The following TMED6 variants were observed in gnomAD, a reference collection of about 807,000 sequenced individuals.
The protein encoded by TMED6 is transmembrane emp24 domain-containing protein 6.
Under a neutral mutation model 26.5 loss-of-function variants are expected in TMED6, and 17 were observed. The ratio of observed to expected loss-of-function variants is 0.64; its 90% CI spans 0.44 to 0.96. TMED6 has a LOEUF of 0.96. Ranked by LOEUF, TMED6 falls within the 40% of genes least tolerant of loss-of-function variation. The pLI is 0.00. For missense variants in TMED6, 309 were observed against 296.5 expected (o/e 1.04, Z -0.31); for synonymous variants, 107 against 106.2 (o/e 1.01, Z -0.04).
intron 3 of TMED6, among the ~76,000 whole-genome samples, chr16:69,347,308 A>C (rs956143193): frequency 6.6e-6 from 1 of 152,236 alleles, no homozygotes. Flanking sequence ...CCTGTCAGCC[A>C]TACATAGTTT....
chr16:69,351,418 T>G, intron 1 of TMED6, 123 bp downstream of exon 1: 1 of 855,774 alleles, frequency 1.2e-6, no homozygotes, highest in Non-Finnish European at 1.8e-6. Context: ...TCCATTTCAT[T>G]AACAGGTGGG....
chr16:69,348,902 A>G (rs2012733071), intron 2 of TMED6, among the ~76,000 whole-genome samples: 1 of 152,224 alleles, frequency 6.6e-6, no homozygotes, highest in Non-Finnish European at 1.5e-5. Context: ...GGTGTGAGCC[A>G]CCACGCCCAG....
At position 69,343,612 on chromosome 16, in the gene TMED6, A is replaced by G. The variant is rs747633765; in HGVS notation, c.518T>C (p.Ile173Thr). ...GTTGTAGTATCGCCACATGTGAAAG[A>G]TATTGTTCTGCACCTTTTGTGTGCC... is the stretch of plus-strand genomic sequence containing the variant. ...EDGTQKVQNNIFHMWRYYNFA... is the reference protein window; with the variant it reads ...EDGTQKVQNNTFHMWRYYNFA... The change falls in exon 4 of 4, where the codon ATC (isoleucine) becomes ACC (threonine). Residue 173 changes from isoleucine to threonine, a missense_variant. Physicochemically the swap from Ile to Thr is moderately conservative, Grantham distance 89. Transcript: ENST00000288025. 2.4e-5 allele frequency: 39 copies of G among 1,614,066 alleles called. No homozygotes were observed. Among genetic ancestry groups the G allele is most frequent in the African/African-American group, 5.3e-5 (4 of 74,928 alleles).
At position 69,351,709 on chromosome 16, in the gene TMED6, T is replaced by C; in HGVS notation, c.45A>G (p.Leu15=). The part of the protein sequence containing the change: ...LFGAGLVVLN[L]VTSARSQKTE... Reference sequence around the variant, plus strand: ...TCTTCTGGCTCCTGGCAGACGTCACTAGATTCAGAACGACCAGCCCAGCCC... The same window carrying C: ...TCTTCTGGCTCCTGGCAGACGTCACCAGATTCAGAACGACCAGCCCAGCCC... The change falls in exon 1 of 4, where the codon CTA becomes CTG. Residue 15 remains leucine, a synonymous_variant. Transcript: ENST00000288025. 1 of 1,613,610 alleles carries C rather than the reference T, an allele frequency of 6.2e-7. No homozygotes were observed. Among genetic ancestry groups the C allele is most frequent in the Non-Finnish European group, 8.5e-7 (1 of 1,179,982 alleles).
intron 3 of TMED6, 26 bp from the exon 4 acceptor site, chr16:69,343,666 G>GA: frequency 6.3e-7 from 1 of 1,599,310 alleles, no homozygotes; most frequent in Non-Finnish European, 8.6e-7. Context: ...TTTTAAGGGG[G>GA]ATTCTTCCAA....
Position 69,343,515 on chromosome 16 carries a change from C to A in TMED6, c.615G>T (p.Ser205=), listed in dbSNP as rs150523802. 49 of 1,614,092 alleles carry A rather than the reference C, an allele frequency of 3.0e-5. No homozygotes were observed. The African/African-American group carries it at 5.5e-4, about 18-fold the overall frequency. The change falls in exon 4 of 4, where the codon TCG becomes TCT. Residue 205 remains serine, a synonymous_variant. Transcript: ENST00000288025. ...GAATAATAACAAGGCTCTGGGCTGT[C>A]GACCACCAGTTCACGTAGTTATAGT... is the stretch of plus-strand genomic sequence containing the variant. ...QSNYNYVNWW[S]TAQSLVIILS...
At chr16:69,345,788 A>T in intron 3 of TMED6, among the ~76,000 whole-genome samples, 1 of 140,742 alleles carries the variant, frequency 7.1e-6, no homozygotes, top group South Asian at 2.3e-4. Context: ...AAGCAATTCT[A>T]CCTAAGCCTC....
At chr16:69,349,143 G>A (rs1350168558) in intron 2 of TMED6, among the ~76,000 whole-genome samples, 1 of 152,226 alleles carries the variant, frequency 6.6e-6, no homozygotes, top group Non-Finnish European at 1.5e-5. Flanking sequence ...TTCTGAATCT[G>A]CTTTTAGTAA....
Position 69,345,804 on chromosome 16 carries a change from T to C in TMED6, c.489+1984A>G, listed in dbSNP as rs1438693672. On this transcript the variant is annotated intron_variant, in intron 3 of 3. Coordinates refer to ENST00000288025, the MANE Select transcript of TMED6 (RefSeq NM_144676.4). The stretch of plus-strand genomic sequence containing the variant: ...AGCAATTCTACCTAAGCCTCCCGAG[T>C]GGCTGGGACCACAAGTATGTGCCAC... Among the ~76,000 whole-genome samples the C allele has an allele frequency of 2.0e-5, 3 of 150,602 alleles. No homozygotes were observed. The East Asian group carries it at 5.8e-4, about 29-fold the overall frequency.
intron 3 of TMED6, among the ~76,000 whole-genome samples, chr16:69,344,431 T>C (rs1281143512): frequency 4.6e-5 from 7 of 152,312 alleles, no homozygotes; most frequent in Non-Finnish European, 7.3e-5. Flanking sequence ...AACTTCCATT[T>C]ACAAAAACAG....
At chr16:69,351,102 G>T (rs2012768927) in intron 1 of TMED6, among the ~76,000 whole-genome samples, 1 of 151,778 alleles carries the variant, frequency 6.6e-6, no homozygotes, top group Non-Finnish European at 1.5e-5. Flanking sequence ...TCTCTGACTT[G>T]CCAGAATTGC....
At chr16:69,348,558 A>G (rs1191068820) in intron 2 of TMED6, 2 of 151,866 alleles carry the variant, frequency 1.3e-5, no homozygotes, top group Non-Finnish European at 2.9e-5. Context: ...AAGGTGTGGC[A>G]GTGTTTGAAA....
chr16:69,344,388 A>G (rs1037074911), intron 3 of TMED6, among the ~76,000 whole-genome samples: 8 of 152,234 alleles, frequency 5.3e-5, no homozygotes, highest in African/African-American at 1.9e-4. Flanking sequence ...GACAATATGT[A>G]ATTGTCAAAT....
In TMED6 at chr16:69,343,641, CTA is replaced by C; in HGVS notation, c.490-3_490-2del. ...TGTTCTGCACCTTTTGTGTGCCGTC[CTA>C]TGAGAGAGACAATTTTAAGGGGGAT... On this transcript the variant is annotated splice_acceptor_variant and splice_polypyrimidine_tract_variant and intron_variant, in intron 3 of 3. Coordinates refer to ENST00000288025, the MANE Select transcript of TMED6 (RefSeq NM_144676.4). LOFTEE classifies it high-confidence loss of function. 6.2e-7 allele frequency: 1 copy of C among 1,609,572 alleles called. No individual in the cohort carries two copies. Among genetic ancestry groups the C allele is most frequent in the African/African-American group, 1.3e-5 (1 of 74,942 alleles).
At chr16:69,346,743 A>G (rs2012692952) in intron 3 of TMED6, among the ~76,000 whole-genome samples, 1 of 152,180 alleles carries the variant, frequency 6.6e-6, no homozygotes, top group Non-Finnish European at 1.5e-5. Context: ...GACAACGAGC[A>G]AAACTCCGTC....
At chr16:69,348,103 A>C (rs1018609596) in intron 2 of TMED6, 167 bp from the exon 3 acceptor site, 1 of 670,222 alleles carries the variant, frequency 1.5e-6, no homozygotes, top group Non-Finnish European at 2.4e-6. Flanking sequence ...ACCTTATGTT[A>C]AACTTATACT....
intron 2 of TMED6, chr16:69,348,197 C>T (rs1335286787): frequency 3.3e-6 from 1 of 307,166 alleles, no homozygotes; most frequent in Non-Finnish European, 6.1e-6. Flanking sequence ...TTCTCTTTAA[C>T]ATATAATTCC....
At position 69,343,631 on chromosome 16, in the gene TMED6, G is replaced by T. The variant is rs374733115; in HGVS notation, c.499C>A (p.Gln167Lys). ...TGAAAGATATTGTTCTGCACCTTTT[G>T]TGTGCCGTCCTATGAGAGAGACAAT... The part of the protein sequence containing the change: ...DTLDAIEDGT[Q>K]KVQNNIFHMW... Residue 167 changes from glutamine to lysine, a missense_variant, in exon 4 of 4, where the codon CAA (glutamine) becomes AAA (lysine). Gln to Lys is a moderately conservative substitution (Grantham distance 53). Coordinates refer to ENST00000288025, the MANE Select transcript of TMED6 (RefSeq NM_144676.4). 1.1e-5 allele frequency: 18 copies of T among 1,613,228 alleles called. No individual in the cohort carries two copies. Among genetic ancestry groups the T allele is most frequent in the Non-Finnish European group, 1.5e-5 (18 of 1,179,330 alleles).
intron 1 of TMED6, 108 bp from the exon 2 acceptor site, chr16:69,349,759 G>T: frequency 7.0e-7 from 1 of 1,430,472 alleles, no homozygotes; most frequent in Non-Finnish European, 9.5e-7. Context: ...GTCTCTGTCT[G>T]GGGTGGGACT....
Sources: allele counts gnomAD v4.1 joint callset (sites outside exome capture counted in the v4.1 genomes callset), GRCh38; gene constraint gnomAD v4.1.1; transcripts MANE v1.5; gene names NCBI Gene and HGNC (gene_info 2026-07-23, HGNC 2026-07-21).